The following EGFL6 variants were observed in gnomAD, a reference collection of about 807,000 sequenced individuals.
EGFL6 encodes EGF like domain multiple 6.
EGFL6 carries 42 observed loss-of-function variants against 43.1 expected under a neutral mutation model. That is an observed-to-expected ratio of 0.98 (90% CI 0.76 to 1.26). The LOEUF is 1.26. Among genes scored for constraint, EGFL6 ranks in the 50% most tolerant of loss-of-function variants. The pLI is 0.00. For missense variants in EGFL6, 429 were observed against 427.8 expected (o/e 1.00, Z -0.02); for synonymous variants, 164 against 163.2 (o/e 1.01, Z -0.04).
Position 13,617,762 on chromosome X carries a change from A to G in EGFL6, c.811A>G (p.Arg271Gly). ...TGAAAATTCTGTGAAGGAAGTCCTC[A>G]GAGCACCTGGTACCATCAAAGACAG... ...IPENSVKEVLRAPGTIKDRIK... is the reference protein window; with the variant it reads ...IPENSVKEVLGAPGTIKDRIK... The change falls in exon 8 of 12, where the codon AGA (arginine) becomes GGA (glycine). Residue 271 changes from arginine (R) to glycine (G), a missense_variant. Arg to Gly is a moderately radical substitution (Grantham distance 125, BLOSUM62 -2). Coordinates refer to ENST00000361306, the MANE Select transcript of EGFL6 (RefSeq NM_015507.4). The G allele has an allele frequency of 8.3e-7, 1 of 1,209,385 alleles. No individual in the cohort carries two copies. Among genetic ancestry groups the G allele is most frequent in the Non-Finnish European group, 1.1e-6 (1 of 894,189 alleles).
At chrX:13,600,822 T>C (rs112622911) in intron 4 of EGFL6, among the ~76,000 whole-genome samples, 3,177 of 107,646 alleles carry the variant, frequency 0.03, 106 homozygotes, top group African/African-American at 0.1. Context: ...GGTAAAATAA[T>C]GTGAAATTCA....
At chrX:13,612,950 G>C (rs1328600731) in intron 7 of EGFL6, among the ~76,000 whole-genome samples, 1 of 109,506 alleles carries the variant, frequency 9.1e-6, no homozygotes, top group Non-Finnish European at 1.9e-5. Flanking sequence ...TGCAAGACCA[G>C]CCTGGGCAAC....
chrX:13,625,409 A>G (rs1427270780), intron 10 of EGFL6, among the ~76,000 whole-genome samples: 1 of 111,324 alleles, frequency 9.0e-6, no homozygotes, highest in African/African-American at 3.3e-5. Context: ...GCGGTGGCTC[A>G]TGTATGTAAT....
intron 11 of EGFL6, among the ~76,000 whole-genome samples, chrX:13,630,570 G>A (rs1000814203): frequency 8.9e-6 from 1 of 111,799 alleles, no homozygotes; most frequent in African/African-American, 3.3e-5. Context: ...TGAGACTAGA[G>A]GAAAAAGAAA....
At chrX:13,595,780 C>T (rs1185048041) in intron 3 of EGFL6, among the ~76,000 whole-genome samples, 4 of 106,673 alleles carry the variant, frequency 3.7e-5, no homozygotes, top group East Asian at 2.9e-4. Flanking sequence ...AGTGCAGTGG[C>T]GTGATCATGG....
intron 5 of EGFL6, among the ~76,000 whole-genome samples, chrX:13,604,955 C>A (rs2045651888): frequency 8.9e-6 from 1 of 112,085 alleles, no homozygotes; most frequent in Admixed American, 9.4e-5. Context: ...CCTAAATTAG[C>A]TAAACACTTT....
intron 10 of EGFL6, among the ~76,000 whole-genome samples, chrX:13,626,717 G>A (rs915877137): frequency 8.9e-6 from 1 of 112,259 alleles, no homozygotes; most frequent in African/African-American, 3.2e-5. Flanking sequence ...TACCTGCAGT[G>A]CTAAAGGATC....
At chrX:13,628,054 G>C (rs1210461910) in intron 11 of EGFL6, among the ~76,000 whole-genome samples, 1 of 111,359 alleles carries the variant, frequency 9.0e-6, no homozygotes, top group African/African-American at 3.3e-5. Flanking sequence ...TGGTCAAGTT[G>C]ATACCATGTG....
intron 11 of EGFL6, among the ~76,000 whole-genome samples, chrX:13,630,240 A>G (rs980942739): frequency 1.8e-5 from 2 of 112,287 alleles, no homozygotes; most frequent in Admixed American, 9.4e-5. Flanking sequence ...TGATTGTTAT[A>G]TCCCAAATCT....
chrX:13,618,077 T>C (rs999505020), intron 8 of EGFL6, 24 bp downstream of exon 8: 2 of 1,148,654 alleles, frequency 1.7e-6, no homozygotes, highest in South Asian at 2.1e-5. Context: ...TTATTTTATA[T>C]GTTTTATGAA....
intron 1 of EGFL6, among the ~76,000 whole-genome samples, chrX:13,580,752 T>C (rs1389504641): frequency 8.9e-6 from 1 of 112,218 alleles, no homozygotes; most frequent in African/African-American, 3.2e-5. Flanking sequence ...TTAGACCATG[T>C]CAGCCCTCTT....
rs2045648800 is a variant in EGFL6, at chrX:13,604,281, AC to A, written c.520+848del. Among the ~76,000 whole-genome samples the A allele has an allele frequency of 2.7e-5, 3 of 111,441 alleles. No individual in the cohort carries two copies. The South Asian group carries it at 1.1e-3, about 42-fold the overall frequency. On this transcript the variant is annotated intron_variant, in intron 5 of 11. Transcript: ENST00000361306. ...ATTCTGGTTGAGGAGTAGGGAAGTA[AC>A]CCAGGGAAAGGAAGGCACCAGTGTT... is the stretch of plus-strand genomic sequence containing the variant.
chrX:13,585,681 A>T (rs1470391708), intron 1 of EGFL6, among the ~76,000 whole-genome samples: 1 of 111,844 alleles, frequency 8.9e-6, no homozygotes, highest in Non-Finnish European at 1.9e-5. Flanking sequence ...TTGTTGCTAG[A>T]TTGAATTCTA....
intron 4 of EGFL6, 146 bp from the exon 5 acceptor site, chrX:13,603,171 C>G: frequency 1.4e-6 from 1 of 702,725 alleles, no homozygotes; most frequent in Non-Finnish European, 2.0e-6. Context: ...CCTTTTGGCT[C>G]TCCATTTGGG....
chrX:13,581,544 A>C (rs1323173635), intron 1 of EGFL6, among the ~76,000 whole-genome samples: 1 of 112,551 alleles, frequency 8.9e-6, no homozygotes, highest in Non-Finnish European at 1.9e-5. Context: ...GGCAATATTT[A>C]AATGTATTTA....
At chrX:13,606,548 G>A (rs773910458) in intron 6 of EGFL6, 35 bp downstream of exon 6, 18 of 1,193,022 alleles carry the variant, frequency 1.5e-5, no homozygotes, top group Non-Finnish European at 1.8e-5. Flanking sequence ...TTTTTTTCCT[G>A]TCCCCACCAA....
intron 7 of EGFL6, among the ~76,000 whole-genome samples, chrX:13,608,997 C>A (rs2045675739): frequency 8.9e-6 from 1 of 112,575 alleles, no homozygotes; most frequent in Non-Finnish European, 1.9e-5. Flanking sequence ...ATTGTTCTTG[C>A]TGGTGAATTA....
intron 1 of EGFL6, among the ~76,000 whole-genome samples, chrX:13,588,071 G>A (rs1240241606): frequency 2.7e-5 from 3 of 112,177 alleles, no homozygotes; most frequent in Non-Finnish European, 5.6e-5. Context: ...AATATCAGTT[G>A]TGTAGAAGTT....
At chrX:13,586,559 G>C (rs923004975) in intron 1 of EGFL6, among the ~76,000 whole-genome samples, 1 of 110,926 alleles carries the variant, frequency 9.0e-6, no homozygotes, top group African/African-American at 3.3e-5. Flanking sequence ...TTTCTTATTA[G>C]GGCACTAATC....
Sources: allele counts gnomAD v4.1 joint callset (sites outside exome capture counted in the v4.1 genomes callset), GRCh38; gene constraint gnomAD v4.1.1; transcripts MANE v1.5; gene names NCBI Gene and HGNC (gene_info 2026-07-23, HGNC 2026-07-21).